Variants in VAV1 observed in about 807,000 individuals in gnomAD.
The protein encoded by VAV1 is vav guanine nucleotide exchange factor 1.
In VAV1, 33 loss-of-function variants were observed where a neutral mutation model predicts 128.1. That is an observed-to-expected ratio of 0.26 (90% CI 0.20 to 0.34). VAV1 has a LOEUF of 0.34. VAV1 is among the 10% of genes least tolerant of loss of function. The pLI is 1.00. For synonymous variants in VAV1, 394 were observed against 409.8 expected, an observed-to-expected ratio of 0.96 and a Z score of 0.47; for missense variants, 715 against 1,093.7, an observed-to-expected ratio of 0.65 and a Z score of 4.88.
In VAV1 at chr19:6,850,750, G is replaced by A. The variant is rs755335843; in HGVS notation, c.2210G>A (p.Gly737Glu). Residue 737 changes from glycine to glutamate, a missense_variant, in exon 24 of 27, where the codon GGG (glycine) becomes GAG (glutamate). Physicochemically the swap from Gly to Glu is moderately conservative, Grantham distance 98. Coordinates refer to ENST00000602142, the MANE Select transcript of VAV1 (RefSeq NM_005428.4). ...YRITEKKAFR[G>E]LTELVEFYQQ... is the part of the protein sequence containing the mutation. ...ATCACAGAGAAAAAGGCTTTCCGGG[G>A]GCTTACGGTAAGGGTCAATGTCCGC... The A allele has an allele frequency of 2.5e-6, 4 of 1,613,926 alleles. No individual in the cohort carries two copies. In the South Asian group the frequency reaches 3.3e-5, roughly 13 times the overall value.
At chr19:6,790,609 G>T (rs1599625146) in intron 1 of VAV1, among the ~76,000 whole-genome samples, 1 of 152,188 alleles carries the variant, frequency 6.6e-6, no homozygotes, top group South Asian at 2.1e-4. Flanking sequence ...ACCCAGGAAA[G>T]AATTCAAGGG....
rs371217235 is a variant in VAV1, at chr19:6,773,022, C to T, written c.204+11C>T. 4.6e-5 allele frequency: 74 copies of T among 1,613,996 alleles called. No individual in the cohort carries two copies. In the African/African-American group the frequency reaches 7.6e-4, roughly 17 times the overall value. On this transcript the variant is annotated intron_variant, in intron 1 of 26. Coordinates refer to ENST00000602142, the MANE Select transcript of VAV1 (RefSeq NM_005428.4). ...CCCCAGATGTCCCAGGTGAGCCCTC[C>T]GCGGGCAGGTGTGCTGAGGGTTGGA...
intron 1 of VAV1, among the ~76,000 whole-genome samples, chr19:6,812,586 G>A (rs1000315314): frequency 1.3e-5 from 2 of 152,156 alleles, no homozygotes; most frequent in African/African-American, 4.8e-5. Flanking sequence ...GGGAGGTGGA[G>A]GTTGCAGTGA....
At chr19:6,829,348 G>A (rs2144784398) in intron 13 of VAV1, among the ~76,000 whole-genome samples, 1 of 151,686 alleles carries the variant, frequency 6.6e-6, no homozygotes, top group Admixed American at 6.6e-5. Context: ...GGAAGAGCCT[G>A]GATAGGGGCG....
intron 24 of VAV1, among the ~76,000 whole-genome samples, chr19:6,852,716 G>A (rs528241961): frequency 4.2e-4 from 60 of 142,088 alleles, no homozygotes; most frequent in African/African-American, 1.6e-3. Flanking sequence ...GCCAGACTCC[G>A]TCTCAAAGAA....
At chr19:6,818,238 C>T (rs572419985) in intron 1 of VAV1, among the ~76,000 whole-genome samples, 1 of 152,304 alleles carries the variant, frequency 6.6e-6, no homozygotes, top group Admixed American at 6.5e-5. Context: ...GGAGGTCTCA[C>T]AGAGAAGGTG....
chr19:6,803,780 G>A (rs941992097), intron 1 of VAV1, among the ~76,000 whole-genome samples: 39 of 152,218 alleles, frequency 2.6e-4, no homozygotes, highest in African/African-American at 9.2e-4. Flanking sequence ...GGCCAGGCTG[G>A]CCTCAAACTC....
chr19:6,779,990 A>G lies in VAV1; in HGVS notation c.204+6979A>G, dbSNP rs1445863529. On this transcript the variant is annotated intron_variant, in intron 1 of 26. Coordinates refer to ENST00000602142, the MANE Select transcript of VAV1 (RefSeq NM_005428.4). Reference sequence around the variant, plus strand: ...GCCGGGCGTGGTTGCGGGCGCCTGTAGTCCCAGCTACTCGGGAGGCTGAAG... The same window carrying G: ...GCCGGGCGTGGTTGCGGGCGCCTGTGGTCCCAGCTACTCGGGAGGCTGAAG... 6.0e-5 allele frequency among the ~76,000 whole-genome samples: 9 copies of G among 148,934 alleles called. 1 individual carries two copies. Among genetic ancestry groups the G allele is most frequent in the Admixed American group, 1.3e-4 (2 of 14,984 alleles).
At chr19:6,830,183 C>T (rs948362634) in intron 14 of VAV1, among the ~76,000 whole-genome samples, 4 of 152,164 alleles carry the variant, frequency 2.6e-5, no homozygotes, top group African/African-American at 9.7e-5. Flanking sequence ...CTCAGTCTCC[C>T]GAGTAGCTGG....
intron 1 of VAV1, among the ~76,000 whole-genome samples, chr19:6,795,505 T>C: frequency 6.8e-6 from 1 of 147,276 alleles, no homozygotes; most frequent in South Asian, 2.1e-4. Context: ...GAATTAATTT[T>C]ATTTATAACT....
In VAV1 at chr19:6,799,229, G is replaced by A. The variant is rs332424; in HGVS notation, c.205-21473G>A. Among the ~76,000 whole-genome samples, 154 of 152,046 alleles carry A rather than the reference G, an allele frequency of 1.0e-3. 1 individual carries two copies. Among genetic ancestry groups the A allele is most frequent in the African/African-American group, 3.5e-3 (146 of 41,466 alleles). ...GTCGCCCAGGCTGGAGTGCAGTGGC[G>A]CAATCTCGGCTCACTGCAACCTCCG... On this transcript the variant is annotated intron_variant, in intron 1 of 26. Coordinates refer to ENST00000602142, the MANE Select transcript of VAV1 (RefSeq NM_005428.4).
At position 6,828,998 on chromosome 19, in the gene VAV1, T is replaced by G. The variant is rs1599662436; in HGVS notation, c.1265+98T>G. The G allele has an allele frequency of 7.1e-7, 1 of 1,410,168 alleles. No homozygotes were observed. Among genetic ancestry groups the G allele is most frequent in the African/African-American group, 1.6e-5 (1 of 64,284 alleles). The allele number at this position is 1,410,168 out of a possible 1,614,324, so 87.4% of individuals were successfully genotyped here. A position where few individuals can be genotyped will look rare whatever the true frequency, so the allele number is the denominator to read the frequency against. ...TGGGTGGAGTCAACACAGATCTGGG[T>G]GGAGCCTGGGCAGGGGCGGGGCCGG... On this transcript the variant is annotated intron_variant, in intron 13 of 26. Coordinates refer to ENST00000602142, the MANE Select transcript of VAV1 (RefSeq NM_005428.4). This position sits in a 1 kb window ranked among gnomAD's most constrained non-coding sequence, Gnocchi z 4.5.
intron 1 of VAV1, among the ~76,000 whole-genome samples, chr19:6,778,447 G>T (rs1970693321): frequency 6.6e-6 from 1 of 152,158 alleles, no homozygotes; most frequent in Non-Finnish European, 1.5e-5. Context: ...GTTAGAGTAG[G>T]GGGTGGACTG....
chr19:6,842,184 C>T (rs192700175), intron 21 of VAV1, among the ~76,000 whole-genome samples: 43 of 152,102 alleles, frequency 2.8e-4, no homozygotes, highest in African/African-American at 8.2e-4. Context: ...GAGCCAAGAT[C>T]GCGCCATTGC....
At position 6,836,833 on chromosome 19, in the gene VAV1, GACACACAC is replaced by G. The variant is rs60215253; in HGVS notation, c.1915-113_1915-106del. On this transcript the variant is annotated intron_variant, in intron 20 of 26. Transcript: ENST00000602142. Reference sequence around the variant, plus strand: ...AGAGTGACCATTGAGCAGAGAGATGGACACACACACACACACACACACACACACACACA... The same window carrying G: ...AGAGTGACCATTGAGCAGAGAGATGGACACACACACACACACACACACACA... The G allele has an allele frequency of 9.6e-3, 8,402 of 873,908 alleles. 452 individuals are homozygous for G. In the African/African-American group the frequency reaches 0.13, roughly 14 times the overall value. The allele number at this position is 873,908 out of a possible 1,614,324, so 54.1% of individuals were successfully genotyped here.
chr19:6,849,033 C>T (rs970113166), intron 23 of VAV1, among the ~76,000 whole-genome samples: 15 of 151,418 alleles, frequency 9.9e-5, no homozygotes, highest in African/African-American at 3.1e-4. Flanking sequence ...GACCTTCAAA[C>T]ATCCTCCCAC....
chr19:6,808,004 AAAAAG>A (rs1461253043), intron 1 of VAV1, among the ~76,000 whole-genome samples: 2 of 148,848 alleles, frequency 1.3e-5, no homozygotes, highest in Non-Finnish European at 3.0e-5. Flanking sequence ...AAAAAAAAAA[AAAAAG>A]AAAAGAAAAA....
At chr19:6,854,267 C>T (rs1186220076) in intron 26 of VAV1, among the ~76,000 whole-genome samples, 169 bp downstream of exon 26, 1 of 152,196 alleles carries the variant, frequency 6.6e-6, no homozygotes, top group Non-Finnish European at 1.5e-5. Context: ...ATGCAACCTA[C>T]CTGCATGTAT....
At chr19:6,785,623 C>G (rs1202064767) in intron 1 of VAV1, among the ~76,000 whole-genome samples, 1 of 150,308 alleles carries the variant, frequency 6.7e-6, no homozygotes, top group Non-Finnish European at 1.5e-5. Context: ...TGAGCCACTG[C>G]ACATGGTCAG....
Sources: gnomAD v4.1 joint callset for allele counts (sites outside exome capture counted in the v4.1 genomes callset) on GRCh38, gnomAD v4.1.1 for gene constraint, Gnocchi (gnomAD v3.1) non-coding constraint, MANE v1.5 for transcripts, NCBI Gene and HGNC (gene_info 2026-07-23, HGNC 2026-07-21) for gene names.